The following FXR2 variants were observed in gnomAD, a reference collection of about 807,000 sequenced individuals.
FXR2 encodes the protein RNA-binding protein FXR2.
A neutral mutation model predicts 87.3 loss-of-function variants in FXR2; 9 were observed. The ratio of observed to expected loss-of-function variants is 0.10; its 90% CI spans 0.06 to 0.18. FXR2 has a LOEUF of 0.18. FXR2 is among the 10% of genes least tolerant of loss of function. The pLI is 1.00. For missense variants in FXR2, 661 were observed against 893.6 expected, an observed-to-expected ratio of 0.74 and a Z score of 3.32; for synonymous variants, 331 against 328.3, an observed-to-expected ratio of 1.01 and a Z score of -0.09.
chr17:7,593,470 C>A lies in FXR2; in HGVS notation c.1263G>T (p.Ala421=), dbSNP rs902507122. The A allele has an allele frequency of 3.8e-6, 6 of 1,589,890 alleles. No individual in the cohort carries two copies. The South Asian group carries it at 5.7e-5, about 15-fold the overall frequency. Residue 421 remains alanine (A), a synonymous_variant, in exon 12 of 17, where the codon GCG becomes GCT. Transcript: ENST00000250113. This position sits in a 1 kb window ranked among gnomAD's most constrained non-coding sequence, Gnocchi z 6.1. The part of the protein sequence containing the change: ...TDESSSSSLH[A]TRTYGGSYGG... ...CATAGCTGCCCCCATAGGTTCGAGT[C>A]GCATGGAGGGAGGAGGAGGAGCTCT...
rs2071680553 is a variant in FXR2, at chr17:7,593,181, C to A, written c.1331G>T (p.Gly444Val). The A allele has an allele frequency of 2.6e-6, 4 of 1,515,618 alleles. No individual in the cohort carries two copies. The highest frequency in any genetic ancestry group is 3.5e-6 in the Non-Finnish European group (4 of 1,132,978). 93.9% of individuals were successfully genotyped at this position (1,515,618 alleles called of 1,614,324 possible). A position where few individuals can be genotyped will look rare whatever the true frequency, so the allele number is the denominator to read the frequency against. ...RGRRTGGPAYGPSSDVSTASE... is the reference protein window; with the variant it reads ...RGRRTGGPAYVPSSDVSTASE... ...AGCTGTAGACACATCTGAGCTGGGG[C>A]CTGAAGAACACAATGGGATTTATTC... The change falls in exon 13 of 17, where the codon GGC (glycine) becomes GTC (valine). Residue 444 changes from glycine to valine, a missense_variant and splice_region_variant. This residue lies in a region of FXR2 where 409 missense variants were observed against 432.0 expected (regional missense o/e 0.95). Coordinates refer to ENST00000250113, the MANE Select transcript of FXR2 (RefSeq NM_004860.4). This position sits in a 1 kb window ranked among gnomAD's most constrained non-coding sequence, Gnocchi z 6.1.
At chr17:7,603,712 AG>A in intron 5 of FXR2, 44 bp downstream of exon 5, 1 of 1,590,946 alleles carries the variant, frequency 6.3e-7, no homozygotes, top group Non-Finnish European at 8.6e-7. Flanking sequence ...GCCAGAGATT[AG>A]GGCTGTAAAG....
chr17:7,609,786 T>C (rs2150947450), intron 1 of FXR2, among the ~76,000 whole-genome samples: 1 of 151,542 alleles, frequency 6.6e-6, no homozygotes, highest in South Asian at 2.1e-4. Context: ...TCCCAACACT[T>C]GGAGGCCGAG....
rs1432029551 is a variant in FXR2 at position 7,592,629 on chromosome 17, C to G, written c.1730-30G>C. 6.2e-7 allele frequency: 1 copy of G among 1,612,744 alleles called. No individual in the cohort carries two copies. Among genetic ancestry groups the G allele is most frequent in the East Asian group, 2.2e-5 (1 of 44,868 alleles). ...AGGGTAGGAAAAAACCAGAGTCACA[C>G]ATCCAACCTCCCACCCTCGATTCCT... is the stretch of plus-strand genomic sequence containing the variant. On this transcript the variant is annotated intron_variant, in intron 14 of 16. Transcript: ENST00000250113. The surrounding 1 kb of genome is among the most constrained non-coding windows in gnomAD (Gnocchi z 4.8).
chr17:7,602,900 T>A lies in FXR2; in HGVS notation c.543+9A>T, dbSNP rs377659747. On this transcript the variant is annotated intron_variant, in intron 6 of 16. Transcript: ENST00000250113. The stretch of plus-strand genomic sequence containing the variant: ...AGGCTTATGTGAAATTCAGGCAGAA[T>A]AAACTCACCAGAATGAAGAGCTCAC... The A allele has an allele frequency of 2.9e-6, 4 of 1,373,660 alleles. No individual in the cohort carries two copies. The highest frequency in any genetic ancestry group is 4.1e-6 in the Non-Finnish European group (4 of 965,158). The allele number at this position is 1,373,660 out of a possible 1,614,324, so 85.1% of individuals were successfully genotyped here.
intron 1 of FXR2, among the ~76,000 whole-genome samples, chr17:7,606,934 T>A (rs1233829177): frequency 2.6e-5 from 4 of 152,208 alleles, no homozygotes; most frequent in Non-Finnish European, 4.4e-5. Context: ...TCCCTATTTT[T>A]CACATACAAT....
At position 7,594,224 on chromosome 17, in the gene FXR2, C is replaced by G. The variant is rs1433389563; in HGVS notation, c.1020+14G>C. On this transcript the variant is annotated intron_variant, in intron 10 of 16. Transcript: ENST00000250113. The surrounding 1 kb of genome is among the most constrained non-coding windows in gnomAD (Gnocchi z 5.1). ...GGAAACCAATCTCTATGCCCACTTG[C>G]CCCGTACCCATACCTCCTCCCTGGG... 7.0e-7 allele frequency: 1 copy of G among 1,436,782 alleles called. No homozygotes were observed. The allele number at this position is 1,436,782 out of a possible 1,614,324, so 89.0% of individuals were successfully genotyped here.
In FXR2 at chr17:7,592,804, G is replaced by C. The variant is rs772537460; in HGVS notation, c.1619C>G (p.Pro540Arg). 4 of 1,609,126 alleles carry C rather than the reference G, an allele frequency of 2.5e-6. No homozygotes were observed. The highest frequency in any genetic ancestry group is 3.4e-6 in the Non-Finnish European group (4 of 1,176,758). ...PVDSEPGEPP[P>R]ASARRRRSRR... ...GGAGCGGCGGCGCCTGGCACTTGCT[G>C]GGGGGGGTTCCCCAGGTTCTGAATC... Residue 540 changes from proline to arginine, a missense_variant, in exon 14 of 17, where the codon CCA becomes CGA. Pro to Arg is a moderately radical substitution (Grantham distance 103). This residue lies in a region of FXR2 where 409 missense variants were observed against 432.0 expected (regional missense o/e 0.95). Transcript: ENST00000250113. The surrounding 1 kb of genome is among the most constrained non-coding windows in gnomAD (Gnocchi z 4.8).
rs1464203859 is a variant in FXR2 at position 7,593,445 on chromosome 17, C to T, written c.1288G>A (p.Gly430Arg). 6.3e-7 allele frequency: 1 copy of T among 1,588,298 alleles called. No homozygotes were observed. The highest frequency in any genetic ancestry group is 1.3e-5 in the African/African-American group (1 of 74,472). ...HATRTYGGSY[G>R]GRGRGRRTGG... The stretch of plus-strand genomic sequence containing the variant: ...GTCCTCCGGCCACGGCCACGGCCCC[C>T]ATAGCTGCCCCCATAGGTTCGAGTC... Residue 430 changes from glycine to arginine, a missense_variant, in exon 12 of 17, where the codon GGG becomes AGG. Gly to Arg is a moderately radical substitution (Grantham distance 125). Around this residue, in one of 3 missense-constraint regions of FXR2, gnomAD observed 409 missense variants for 432.0 expected, o/e 0.95. Coordinates refer to ENST00000250113, the MANE Select transcript of FXR2 (RefSeq NM_004860.4). The surrounding 1 kb of genome is among the most constrained non-coding windows in gnomAD (Gnocchi z 6.1).
Position 7,593,774 on chromosome 17 carries a change from C to T in FXR2, c.1107+144G>A. On this transcript the variant is annotated intron_variant, in intron 11 of 16. Coordinates refer to ENST00000250113, the MANE Select transcript of FXR2 (RefSeq NM_004860.4). This position sits in a 1 kb window ranked among gnomAD's most constrained non-coding sequence, Gnocchi z 6.1. ...TGGCTAAACAAGGAAAATTCTGGGACCCAACCCTATAGCCCCAAATTTCCA... is the reference window on the plus strand; with the variant it reads ...TGGCTAAACAAGGAAAATTCTGGGATCCAACCCTATAGCCCCAAATTTCCA... The T allele has an allele frequency of 1.2e-6, 1 of 815,822 alleles. No homozygotes were observed. The highest frequency in any genetic ancestry group is 1.6e-5 in the South Asian group (1 of 61,338). The allele number at this position is 815,822 out of a possible 1,614,324, so 50.5% of individuals were successfully genotyped here.
In FXR2 at chr17:7,604,064, T is replaced by C. The variant is rs761165574; in HGVS notation, c.245A>G (p.Asn82Ser). The C allele has an allele frequency of 2.0e-5, 31 of 1,577,504 alleles. No homozygotes were observed. Among genetic ancestry groups the C allele is most frequent in the African/African-American group, 2.7e-5 (2 of 73,880 alleles). ...CCACCAGCCACAAGGTTCCTGTTCA[T>C]TGGCTCGAGAATAAACCTAAAGAAA... is the stretch of plus-strand genomic sequence containing the variant. Reference protein sequence around the residue: ...GDEVEVYSRANEQEPCGWWLA... With the variant: ...GDEVEVYSRASEQEPCGWWLA... The change falls in exon 4 of 17, where the codon AAT (asparagine) becomes AGT (serine). Residue 82 changes from asparagine (N) to serine (S), a missense_variant. Asn to Ser is a conservative substitution (Grantham distance 46). This residue lies in a region of FXR2 where 170 missense variants were observed against 247.2 expected (regional missense o/e 0.69). Transcript: ENST00000250113.
At position 7,593,025 on chromosome 17, in the gene FXR2, G is replaced by A. The variant is rs1313103987; in HGVS notation, c.1487C>T (p.Pro496Leu). 3.2e-6 allele frequency: 5 copies of A among 1,576,450 alleles called. No individual in the cohort carries two copies. Among genetic ancestry groups the A allele is most frequent in the African/African-American group, 1.4e-5 (1 of 73,148 alleles). ...GGRGRGPPPAPRPTSRYNSSS... is the reference protein window; with the variant it reads ...GGRGRGPPPALRPTSRYNSSS... ...AGAATTGTATCTCGAAGTGGGCCGG[G>A]GGGCAGGTGGGGGTCCCCTACCCCG... Residue 496 changes from proline to leucine, a missense_variant, in exon 13 of 17, where the codon CCC (proline) becomes CTC (leucine). Pro to Leu is a moderately conservative substitution (Grantham distance 98, BLOSUM62 -3). Transcript: ENST00000250113. The surrounding 1 kb of genome is among the most constrained non-coding windows in gnomAD (Gnocchi z 6.1).
chr17:7,593,190 C>T lies in FXR2; in HGVS notation c.1331-9G>A, dbSNP rs2071680611. The T allele has an allele frequency of 2.6e-6, 4 of 1,511,776 alleles. No homozygotes were observed. Among genetic ancestry groups the T allele is most frequent in the Non-Finnish European group, 3.5e-6 (4 of 1,130,488 alleles). 93.6% of individuals were successfully genotyped at this position (1,511,776 alleles called of 1,614,324 possible). On this transcript the variant is annotated splice_polypyrimidine_tract_variant and intron_variant, in intron 12 of 16. Coordinates refer to ENST00000250113, the MANE Select transcript of FXR2 (RefSeq NM_004860.4). The surrounding 1 kb of genome is among the most constrained non-coding windows in gnomAD (Gnocchi z 6.1). Reference sequence around the variant, plus strand: ...CACATCTGAGCTGGGGCCTGAAGAACACAATGGGATTTATTCACGGCCATT... The same window carrying T: ...CACATCTGAGCTGGGGCCTGAAGAATACAATGGGATTTATTCACGGCCATT...
intron 2 of FXR2, 44 bp from the exon 3 acceptor site, chr17:7,605,782 T>C (rs780359047): frequency 8.2e-6 from 9 of 1,091,688 alleles, no homozygotes; most frequent in South Asian, 6.6e-5. Context: ...CTGACTGATA[T>C]GGTTGCCCAT....
Position 7,594,193 on chromosome 17 carries a change from A to T in FXR2, c.1020+45T>A. Reference sequence around the variant, plus strand: ...CAGCCCTCAGAGGACAATCCCATTTACTTCTGGAAACCAATCTCTATGCCC... The same window carrying T: ...CAGCCCTCAGAGGACAATCCCATTTTCTTCTGGAAACCAATCTCTATGCCC... On this transcript the variant is annotated intron_variant, in intron 10 of 16. Transcript: ENST00000250113. The surrounding 1 kb of genome is among the most constrained non-coding windows in gnomAD (Gnocchi z 5.1). 1 of 1,134,564 alleles carries T rather than the reference A, an allele frequency of 8.8e-7. No homozygotes were observed. The highest frequency in any genetic ancestry group is 1.3e-6 in the Non-Finnish European group (1 of 747,542). 70.3% of individuals were successfully genotyped at this position (1,134,564 alleles called of 1,614,324 possible). A position where few individuals can be genotyped will look rare whatever the true frequency, so the allele number is the denominator to read the frequency against.
chr17:7,597,621 C>G (rs1372564152), intron 7 of FXR2, among the ~76,000 whole-genome samples: 1 of 152,056 alleles, frequency 6.6e-6, no homozygotes, highest in African/African-American at 2.4e-5. Context: ...GCTGGCCAGA[C>G]TGGTCTCAAA....
At chr17:7,612,984 G>A (rs1031591554) in intron 1 of FXR2, among the ~76,000 whole-genome samples, 5 of 111,226 alleles carry the variant, frequency 4.5e-5, no homozygotes, top group East Asian at 3.1e-4. Flanking sequence ...GCAACAGGGC[G>A]AGACTCCATC....
chr17:7,603,061 G>C, intron 5 of FXR2, 59 bp from the exon 6 acceptor site: 2 of 841,804 alleles, frequency 2.4e-6, no homozygotes, highest in Non-Finnish European at 4.0e-6. Context: ...AAGAGTTCGG[G>C]GGAGGCTGGA....
chr17:7,593,217 A>G lies in FXR2; in HGVS notation c.1331-36T>C, dbSNP rs1366986719. The G allele has an allele frequency of 9.0e-6, 13 of 1,448,736 alleles. No individual in the cohort carries two copies. Among genetic ancestry groups the G allele is most frequent in the Non-Finnish European group, 1.1e-5 (12 of 1,082,114 alleles). 89.7% of individuals were successfully genotyped at this position (1,448,736 alleles called of 1,614,324 possible). A position where few individuals can be genotyped will look rare whatever the true frequency, so the allele number is the denominator to read the frequency against. On this transcript the variant is annotated intron_variant, in intron 12 of 16. Transcript: ENST00000250113. The surrounding 1 kb of genome is among the most constrained non-coding windows in gnomAD (Gnocchi z 6.1). ...CAATGGGATTTATTCACGGCCATTC[A>G]TCCCACCTCAGGATCCATCACATCC...
Sources: allele counts gnomAD v4.1 joint callset (sites outside exome capture counted in the v4.1 genomes callset), GRCh38; gene constraint gnomAD v4.1.1; regional missense constraint gnomAD v4.1.1; non-coding constraint Gnocchi (gnomAD v3.1); transcripts MANE v1.5; gene names NCBI Gene and HGNC (gene_info 2026-07-23, HGNC 2026-07-21).